EML5: variants seen among roughly 807,000 people sequenced by gnomAD.
The protein encoded by EML5 is echinoderm microtubule-associated protein-like 5.
A neutral mutation model predicts 250.0 loss-of-function variants in EML5; 120 were observed. The observed-to-expected ratio is 0.48, with a 90% CI of 0.41 to 0.56. The LOEUF is 0.56. Among genes scored for constraint, EML5 ranks in the 20% least tolerant of loss-of-function variants. The pLI is 0.00. For missense variants in EML5, 2,006 were observed against 2,437.6 expected, an observed-to-expected ratio of 0.82 and a Z score of 3.73; for synonymous variants, 771 against 806.5, an observed-to-expected ratio of 0.96 and a Z score of 0.75.
At chr14:88,668,111 T>C (rs1199917684) in intron 21 of EML5, among the ~76,000 whole-genome samples, 1 of 152,194 alleles carries the variant, frequency 6.6e-6, no homozygotes, top group African/African-American at 2.4e-5. Flanking sequence ...AGTACTAGGG[T>C]TGCTGCTTTC....
intron 7 of EML5, among the ~76,000 whole-genome samples, chr14:88,728,017 G>T (rs889963952): frequency 1.3e-5 from 2 of 152,168 alleles, no homozygotes; most frequent in African/African-American, 4.8e-5. Context: ...TTATAAAACT[G>T]CTTAAAATCA....
chr14:88,639,077 T>C (rs1401343657), intron 31 of EML5, among the ~76,000 whole-genome samples, 170 bp from the exon 32 acceptor site: 1 of 152,226 alleles, frequency 6.6e-6, no homozygotes. Context: ...TTCAGAATTA[T>C]GTAATGGGAT....
At chr14:88,644,550 A>G (rs761331574) in intron 29 of EML5, 39 bp from the exon 30 acceptor site, 2 of 1,582,182 alleles carry the variant, frequency 1.3e-6, no homozygotes, top group Non-Finnish European at 1.7e-6. Context: ...GGCATGCAGC[A>G]CTCAGTGCCT....
At position 88,678,534 on chromosome 14, in the gene EML5, T is replaced by C. The variant is rs115336472; in HGVS notation, c.3124+3356A>G. Among the ~76,000 whole-genome samples, 352 of 152,300 alleles carry C rather than the reference T, an allele frequency of 2.3e-3. 1 individual carries two copies. The highest frequency in any genetic ancestry group is 6.4e-3 in the African/African-American group (265 of 41,566). On this transcript the variant is annotated intron_variant, in intron 21 of 43. Transcript: ENST00000554922. The stretch of plus-strand genomic sequence containing the variant: ...CTGAACCTCCTAGACAAAACTGGAA[T>C]TCATGAAGGGACATACATTAATTGT...
chr14:88,712,392 C>G lies in EML5; in HGVS notation c.1536G>C (p.Trp512Cys), dbSNP rs767166237. The G allele has an allele frequency of 6.2e-7, 1 of 1,613,574 alleles. No individual in the cohort carries two copies. The highest frequency in any genetic ancestry group is 1.7e-5 in the Admixed American group (1 of 59,994). The change falls in exon 10 of 44, where the codon TGG becomes TGC. Residue 512 changes from tryptophan (W) to cysteine (C), a missense_variant. This residue lies in a region of EML5 where 1,375 missense variants were observed against 1,590.3 expected (regional missense o/e 0.86). Coordinates refer to ENST00000554922, the MANE Select transcript of EML5 (RefSeq NM_183387.3). ...CVSGLEVNGIWPKYSDINDIN... is the reference protein window; with the variant it reads ...CVSGLEVNGICPKYSDINDIN... ...TATCGTTGATATCTGAATACTTGGGCCAAATTCCATTTACTTCAAGGCCTG... is the reference window on the plus strand; with the variant it reads ...TATCGTTGATATCTGAATACTTGGGGCAAATTCCATTTACTTCAAGGCCTG...
chr14:88,787,958 A>G (rs1186749491), intron 1 of EML5, among the ~76,000 whole-genome samples: 1 of 152,200 alleles, frequency 6.6e-6, no homozygotes, highest in Non-Finnish European at 1.5e-5. Flanking sequence ...AATCTGAGGC[A>G]CTTTTTAAAA....
chr14:88,790,570 C>T (rs1233433837), intron 1 of EML5, among the ~76,000 whole-genome samples: 1 of 152,094 alleles, frequency 6.6e-6, no homozygotes, highest in Non-Finnish European at 1.5e-5. Context: ...CTCTCATAAC[C>T]CCCAAGGAGT....
intron 1 of EML5, among the ~76,000 whole-genome samples, chr14:88,773,124 T>G (rs2094411266): frequency 6.6e-6 from 1 of 152,192 alleles, no homozygotes; most frequent in Non-Finnish European, 1.5e-5. Flanking sequence ...CAGTTTACCT[T>G]TAAATTCAGC....
intron 4 of EML5, among the ~76,000 whole-genome samples, chr14:88,743,410 T>G (rs1043070133): frequency 5.3e-5 from 8 of 151,902 alleles, no homozygotes; most frequent in African/African-American, 1.9e-4. Context: ...AAAAAAAAAT[T>G]TAAAGGCTGA....
Position 88,615,683 on chromosome 14 carries a change from A to C in EML5, c.*135T>G, listed in dbSNP as rs2087484909. ...ATTTTGAACAGATCAGTCTTTCACT[A>C]TTTTGATGATTCTGGGCATTTCTCC... On this transcript the variant is annotated 3_prime_UTR_variant, in exon 44 of 44. Transcript: ENST00000554922. 1 of 765,304 alleles carries C rather than the reference A, an allele frequency of 1.3e-6. No individual in the cohort carries two copies. The highest frequency in any genetic ancestry group is 2.9e-5 in the Admixed American group (1 of 34,850). The allele number at this position is 765,304 out of a possible 1,614,324, so 47.4% of individuals were successfully genotyped here.
intron 36 of EML5, chr14:88,623,149 A>C (rs1213507809): frequency 6.8e-6 from 1 of 147,448 alleles, no homozygotes; most frequent in African/African-American, 2.5e-5. Flanking sequence ...CCGAGTAGCT[A>C]GCATTACAGG....
At chr14:88,784,573 C>T (rs1384713146) in intron 1 of EML5, among the ~76,000 whole-genome samples, 1 of 151,924 alleles carries the variant, frequency 6.6e-6, no homozygotes, top group Non-Finnish European at 1.5e-5. Flanking sequence ...TACAACCTAC[C>T]AAGATTGAAC....
intron 21 of EML5, among the ~76,000 whole-genome samples, chr14:88,679,814 C>A (rs1428479778): frequency 1.3e-5 from 2 of 152,186 alleles, no homozygotes; most frequent in Non-Finnish European, 1.5e-5. Flanking sequence ...ACAAGAGTCA[C>A]AGGAAATTTA....
chr14:88,776,978 T>C (rs1164270788), intron 1 of EML5, among the ~76,000 whole-genome samples: 2 of 151,998 alleles, frequency 1.3e-5, no homozygotes, highest in Non-Finnish European at 2.9e-5. Context: ...TTACTGGCCT[T>C]AAAGAGGAGC....
chr14:88,625,795 T>C (rs756396097), intron 35 of EML5: 4 of 152,354 alleles, frequency 2.6e-5, no homozygotes, highest in Non-Finnish European at 4.4e-5. Flanking sequence ...AGTCTTTTTC[T>C]CAAAAATGTA....
At chr14:88,715,317 T>C (rs2093474169) in intron 8 of EML5, 122 bp from the exon 9 acceptor site, 2 of 959,168 alleles carry the variant, frequency 2.1e-6, no homozygotes, top group Non-Finnish European at 3.0e-6. Context: ...AAAGTAAACA[T>C]AAATAACACA....
At chr14:88,726,070 A>T (rs1374477642) in intron 8 of EML5, among the ~76,000 whole-genome samples, 1 of 152,218 alleles carries the variant, frequency 6.6e-6, no homozygotes, top group Non-Finnish European at 1.5e-5. Flanking sequence ...CAAAATGTTA[A>T]CTGCTTTACC....
chr14:88,660,558 T>A (rs2092052002), intron 25 of EML5, among the ~76,000 whole-genome samples: 1 of 151,662 alleles, frequency 6.6e-6, no homozygotes. Flanking sequence ...CTGACCAACA[T>A]GGTAAAACCC....
chr14:88,715,011 CCAGAT>C lies in EML5; in HGVS notation c.1367_1371del (p.His456ArgfsTer7). 1 of 1,613,854 alleles carries C rather than the reference CCAGAT, an allele frequency of 6.2e-7. No homozygotes were observed. The highest frequency in any genetic ancestry group is 8.5e-7 in the Non-Finnish European group (1 of 1,179,840). On this transcript the variant is annotated frameshift_variant, in exon 9 of 44. Coordinates refer to ENST00000554922, the MANE Select transcript of EML5 (RefSeq NM_183387.3). LOFTEE classifies it high-confidence loss of function. ...AAATATCTACTGTCTGAAGACCAGT[CCAGAT>C]GAGTGATGAAACTAAGGGATCCCAA...
Sources: allele counts gnomAD v4.1 joint callset (sites outside exome capture counted in the v4.1 genomes callset), GRCh38; gene constraint gnomAD v4.1.1; regional missense constraint gnomAD v4.1.1; transcripts MANE v1.5; gene names NCBI Gene and HGNC (gene_info 2026-07-23, HGNC 2026-07-21).